The following KIF9 variants were observed in gnomAD, a reference collection of about 807,000 sequenced individuals.
KIF9 encodes the protein kinesin family member 9.
A neutral mutation model predicts 94.8 loss-of-function variants in KIF9; 68 were observed. The observed-to-expected ratio is 0.72, with a 90% CI of 0.59 to 0.88. The LOEUF is 0.88. Among genes scored for constraint, KIF9 ranks in the 40% least tolerant of loss-of-function variants. KIF9 has a pLI of 0.00. For synonymous variants in KIF9, 343 were observed against 362.1 expected (o/e 0.95, Z 0.60); for missense variants, 882 against 982.5 (o/e 0.90, Z 1.37).
rs1020023839 is a variant in KIF9, at chr3:47,273,613, G to T, written c.305C>A (p.Thr102Asn). Reference protein sequence around the residue: ...YGQTGAGKTYTMMGATENYKH... With the variant: ...YGQTGAGKTYNMMGATENYKH... Reference sequence around the variant, plus strand: ...GTAATTCTCAGTTGCCCCCATCATGGTGTATGTCTTGCCAGCTCCCGTCTG... The same window carrying T: ...GTAATTCTCAGTTGCCCCCATCATGTTGTATGTCTTGCCAGCTCCCGTCTG... The change falls in exon 4 of 21, where the codon ACC becomes AAC. Residue 102 changes from threonine (T) to asparagine (N), a missense_variant. By Grantham distance (65) the Thr-to-Asn change is moderately conservative. Transcript: ENST00000684063. The T allele has an allele frequency of 6.2e-7, 1 of 1,614,094 alleles. No homozygotes were observed. Among genetic ancestry groups the T allele is most frequent in the Non-Finnish European group, 8.5e-7 (1 of 1,179,986 alleles).
At chr3:47,263,888 C>T (rs1217421020) in intron 9 of KIF9, 2 of 458,104 alleles carry the variant, frequency 4.4e-6, no homozygotes, top group Non-Finnish European at 8.8e-6. Flanking sequence ...CTTATAACCA[C>T]AGCCTGGAAC....
At chr3:47,270,203 T>C (rs867770785) in intron 5 of KIF9, among the ~76,000 whole-genome samples, 1 of 147,506 alleles carries the variant, frequency 6.8e-6, no homozygotes, top group South Asian at 2.2e-4. Flanking sequence ...CGCACCTGGC[T>C]CTAAGAGCTT....
intron 4 of KIF9, among the ~76,000 whole-genome samples, chr3:47,273,113 T>C (rs1701751062): frequency 6.6e-6 from 1 of 152,200 alleles, no homozygotes; most frequent in Non-Finnish European, 1.5e-5. Context: ...CATGCCCTCC[T>C]TCTTGCTTTT....
At chr3:47,264,398 G>A (rs1163757504) in intron 8 of KIF9, 48 bp from the exon 9 acceptor site, 3 of 1,498,536 alleles carry the variant, frequency 2.0e-6, no homozygotes, top group East Asian at 2.3e-5. Flanking sequence ...TGTTTTTTCT[G>A]CTCCAAAGGA....
chr3:47,263,956 G>A (rs541447149), intron 9 of KIF9: 29 of 487,488 alleles, frequency 5.9e-5, no homozygotes, highest in African/African-American at 5.4e-4. Context: ...AGTCACCAAC[G>A]ATCCTTCTTG....
At chr3:47,256,609 C>T (rs1700626941) in intron 10 of KIF9, among the ~76,000 whole-genome samples, 1 of 151,306 alleles carries the variant, frequency 6.6e-6, no homozygotes, top group Non-Finnish European at 1.5e-5. Context: ...GTGAGGAGCC[C>T]CTCTGCCCGG....
At position 47,244,864 on chromosome 3, in the gene KIF9, G is replaced by A; in HGVS notation, c.1441C>T (p.Leu481Phe). ...VGEPEGQNFGLGVAPFSTKPG... is the reference protein window; with the variant it reads ...VGEPEGQNFGFGVAPFSTKPG... ...TTGGTAGAGAAAGGGGCGACTCCGA[G>A]TCCAAAGTTTTGTCCTTCAGGCTCA... The change falls in exon 15 of 21, where the codon CTC becomes TTC. Residue 481 changes from leucine (L) to phenylalanine (F), a missense_variant. Transcript: ENST00000684063. The A allele has an allele frequency of 1.2e-6, 2 of 1,614,190 alleles. No homozygotes were observed. Among genetic ancestry groups the A allele is most frequent in the African/African-American group, 1.3e-5 (1 of 75,050 alleles).
chr3:47,275,325 C>T lies in KIF9; in HGVS notation c.259G>A (p.Gly87Ser). 2 of 1,604,864 alleles carry T rather than the reference C, an allele frequency of 1.2e-6. No individual in the cohort carries two copies. The highest frequency in any genetic ancestry group is 1.7e-6 in the Non-Finnish European group (2 of 1,175,922). The change falls in exon 3 of 21, where the codon GGC becomes AGC. Residue 87 changes from glycine (G) to serine (S), a missense_variant and splice_region_variant. By Grantham distance (56) the Gly-to-Ser change is moderately conservative (BLOSUM62 0). Transcript: ENST00000684063. ...GACAACATTTAATTAATTAAGTTAC[C>T]ATTATAGCCATCGAGGGCCTGAGAA... is the stretch of plus-strand genomic sequence containing the variant. ...VVSQALDGYN[G>S]TIMCYGQTGA...
Position 47,240,786 on chromosome 3 carries a change from T to G in KIF9, c.1924+15A>C, listed in dbSNP as rs1699411851. On this transcript the variant is annotated intron_variant, in intron 17 of 20. Transcript: ENST00000684063. ...AGACCCCAAAGCTCCCTAGCCCTCT[T>G]TCCAACACATTTACCTTGCTTCTCC... The G allele has an allele frequency of 1.2e-6, 2 of 1,609,540 alleles. No individual in the cohort carries two copies. The highest frequency in any genetic ancestry group is 2.7e-5 in the African/African-American group (2 of 74,802).
intron 10 of KIF9, 54 bp downstream of exon 10, chr3:47,257,429 C>G: frequency 6.6e-7 from 1 of 1,504,410 alleles, no homozygotes; most frequent in Non-Finnish European, 9.2e-7. Context: ...ACCCAAGCAG[C>G]AAACCCATAC....
At chr3:47,265,661 G>C (rs1701244708) in intron 8 of KIF9, 69 bp downstream of exon 8, 22 of 1,532,754 alleles carry the variant, frequency 1.4e-5, no homozygotes, top group Non-Finnish European at 2.0e-5. Context: ...ACCAGTGGCA[G>C]ATGTGCCAAA....
chr3:47,277,836 G>A (rs976442482), intron 1 of KIF9, among the ~76,000 whole-genome samples: 1 of 151,894 alleles, frequency 6.6e-6, no homozygotes, highest in African/African-American at 2.4e-5. Flanking sequence ...CTCTTCTCCA[G>A]TAGACTAACT....
intron 20 of KIF9, among the ~76,000 whole-genome samples, chr3:47,233,147 GGT>G (rs1343629312): frequency 3.3e-5 from 5 of 150,948 alleles, no homozygotes; most frequent in East Asian, 4.0e-4. Flanking sequence ...GATCACCTGA[GGT>G]CAGGAGTTTG....
intron 3 of KIF9, 88 bp from the exon 4 acceptor site, chr3:47,273,746 G>C (rs1316502640): frequency 8.3e-7 from 1 of 1,200,634 alleles, no homozygotes; most frequent in Non-Finnish European, 1.2e-6. Context: ...TGCCAGCCAG[G>C]GCCCTTTGCA....
In KIF9 at chr3:47,282,764, A is replaced by G. The variant is rs1702479642; in HGVS notation, c.-275T>C. ...GCACATGCGAAGTCAAGGTCGAGAT[A>G]GCGAGGGAACGAAGGCCGCACATGA... On this transcript the variant is annotated 5_prime_UTR_variant, in exon 1 of 21. Transcript: ENST00000684063. 7.0e-7 allele frequency: 1 copy of G among 1,428,352 alleles called. No homozygotes were observed. The highest frequency in any genetic ancestry group is 2.5e-5 in the East Asian group (1 of 39,332). 88.5% of individuals were successfully genotyped at this position (1,428,352 alleles called of 1,614,324 possible).
chr3:47,249,185 G>A (rs935058237), intron 10 of KIF9, among the ~76,000 whole-genome samples: 8 of 142,002 alleles, frequency 5.6e-5, no homozygotes, highest in African/African-American at 1.3e-4. Context: ...TCGCTCTGTC[G>A]CCCAGGCTGG....
intron 10 of KIF9, among the ~76,000 whole-genome samples, chr3:47,248,833 T>G (rs981286628): frequency 6.6e-6 from 1 of 152,048 alleles, no homozygotes; most frequent in African/African-American, 2.4e-5. Flanking sequence ...AGCCTCAACC[T>G]CCTGGGCTCA....
At chr3:47,254,198 C>T (rs1192857762) in intron 10 of KIF9, among the ~76,000 whole-genome samples, 1 of 152,234 alleles carries the variant, frequency 6.6e-6, no homozygotes, top group Non-Finnish European at 1.5e-5. Flanking sequence ...TGGCTCACTC[C>T]TGTAATGCCA....
intron 2 of KIF9, 45 bp downstream of exon 2, chr3:47,277,237 G>T: frequency 7.2e-7 from 1 of 1,391,514 alleles, no homozygotes; most frequent in Non-Finnish European, 1.0e-6. Context: ...TAGCAAGGTG[G>T]GACAGAGAGG....
Sources: allele counts gnomAD v4.1 joint callset (sites outside exome capture counted in the v4.1 genomes callset), GRCh38; gene constraint gnomAD v4.1.1; transcripts MANE v1.5; gene names NCBI Gene and HGNC (gene_info 2026-07-23, HGNC 2026-07-21).